Variants in PIP5K1B observed in about 807,000 individuals in gnomAD.
The protein encoded by PIP5K1B is phosphatidylinositol-4-phosphate 5-kinase type 1 beta.
In PIP5K1B, 42 loss-of-function variants were observed where a neutral mutation model predicts 67.0. The observed-to-expected ratio is 0.63, with a 90% CI of 0.49 to 0.81. The LOEUF is 0.81. PIP5K1B is among the 30% of genes least tolerant of loss of function. The pLI is 0.00. For missense variants in PIP5K1B, 459 were observed against 646.3 expected (o/e 0.71, Z 3.14); for synonymous variants, 214 against 231.4 (o/e 0.92, Z 0.68).
In PIP5K1B at chr9:68,726,789, T is replaced by C. The variant is rs974597183; in HGVS notation, c.-242-15712T>C. Among the ~76,000 whole-genome samples, 32 of 152,226 alleles carry C rather than the reference T, an allele frequency of 2.1e-4. 1 individual carries two copies. Among genetic ancestry groups the C allele is most frequent in the African/African-American group, 7.5e-4 (31 of 41,450 alleles). ...TGAGAGTTTCCGTTGCTTCAACTTT[T>C]TATGAACACATGGTATGATCGTTCT... is the stretch of plus-strand genomic sequence containing the variant. On this transcript the variant is annotated intron_variant, in intron 1 of 15. Transcript: ENST00000265382.
chr9:68,976,981 C>A (rs946698100), intron 14 of PIP5K1B, among the ~76,000 whole-genome samples: 1 of 152,174 alleles, frequency 6.6e-6, no homozygotes, highest in Admixed American at 6.5e-5. Context: ...AGCTAGAGAA[C>A]ACAGTCAACC....
chr9:68,706,583 C>G (rs894787590), intron 1 of PIP5K1B, among the ~76,000 whole-genome samples: 3 of 152,118 alleles, frequency 2.0e-5, no homozygotes, highest in Non-Finnish European at 4.4e-5. Context: ...ATCAGGGCTC[C>G]GAACAAGGCA....
chr9:68,938,116 G>A (rs187325910), intron 13 of PIP5K1B, among the ~76,000 whole-genome samples: 3 of 152,252 alleles, frequency 2.0e-5, no homozygotes, highest in African/African-American at 4.8e-5. Flanking sequence ...TATTAGGTCC[G>A]CTTGGTCCAG....
At chr9:68,998,764 C>T (rs1201267633) in intron 15 of PIP5K1B, among the ~76,000 whole-genome samples, 6 of 152,268 alleles carry the variant, frequency 3.9e-5, no homozygotes, top group East Asian at 3.9e-4. Context: ...TGTTCTCATT[C>T]GTGCCATTTC....
At chr9:68,863,665 T>C (rs1208627767) in intron 4 of PIP5K1B, among the ~76,000 whole-genome samples, 172 bp from the exon 5 acceptor site, 3 of 152,202 alleles carry the variant, frequency 2.0e-5, no homozygotes, top group African/African-American at 7.2e-5. Flanking sequence ...GCTTTAATGT[T>C]TGGAATAGAT....
At chr9:68,959,419 C>A (rs1233643652) in intron 14 of PIP5K1B, among the ~76,000 whole-genome samples, 1 of 152,118 alleles carries the variant, frequency 6.6e-6, no homozygotes, top group African/African-American at 2.4e-5. Context: ...TCTTCCAGGA[C>A]TATTATTAAA....
At chr9:68,737,227 C>G (rs1015273366) in intron 1 of PIP5K1B, among the ~76,000 whole-genome samples, 8 of 152,136 alleles carry the variant, frequency 5.3e-5, no homozygotes, top group Admixed American at 4.6e-4. Context: ...TACAAAATGA[C>G]ATTTTATTGG....
chr9:68,920,831 C>T (rs771093462), intron 11 of PIP5K1B, among the ~76,000 whole-genome samples: 5 of 151,620 alleles, frequency 3.3e-5, no homozygotes, highest in Non-Finnish European at 5.9e-5. Flanking sequence ...CACACACACA[C>T]GCAGTCCCAT....
At chr9:68,859,984 G>A (rs1167414386) in intron 4 of PIP5K1B, among the ~76,000 whole-genome samples, 1 of 152,058 alleles carries the variant, frequency 6.6e-6, no homozygotes, top group East Asian at 1.9e-4. Context: ...TATACGTTGT[G>A]AAATGGCTCT....
intron 7 of PIP5K1B, among the ~76,000 whole-genome samples, chr9:68,892,598 C>T (rs1824853323): frequency 6.6e-6 from 1 of 152,046 alleles, no homozygotes; most frequent in Non-Finnish European, 1.5e-5. Context: ...CACATACACA[C>T]AAAATTAATT....
At chr9:68,764,938 A>AT (rs1336467402) in intron 2 of PIP5K1B, among the ~76,000 whole-genome samples, 1 of 152,058 alleles carries the variant, frequency 6.6e-6, no homozygotes, top group East Asian at 1.9e-4. Context: ...ACTAATTTTT[A>AT]TTTTAAAAAA....
intron 15 of PIP5K1B, among the ~76,000 whole-genome samples, chr9:69,004,966 C>T (rs904739191): frequency 1.3e-5 from 2 of 152,176 alleles, no homozygotes; most frequent in African/African-American, 4.8e-5. Flanking sequence ...AAAACAGACA[C>T]GTTCATGTAT....
At chr9:68,778,896 T>G (rs1564127494) in intron 2 of PIP5K1B, among the ~76,000 whole-genome samples, 1 of 152,224 alleles carries the variant, frequency 6.6e-6, no homozygotes, top group African/African-American at 2.4e-5. Context: ...TCTCTCTGCT[T>G]GGAATACTCA....
chr9:68,996,439 A>G (rs1041519339), intron 15 of PIP5K1B, among the ~76,000 whole-genome samples: 3 of 152,048 alleles, frequency 2.0e-5, no homozygotes, highest in Admixed American at 2.0e-4. Flanking sequence ...AGTGTTTTCT[A>G]AGATGATTTT....
intron 2 of PIP5K1B, among the ~76,000 whole-genome samples, chr9:68,746,765 G>C (rs575341393): frequency 6.6e-6 from 1 of 152,182 alleles, no homozygotes; most frequent in Non-Finnish European, 1.5e-5. Flanking sequence ...AGAACCTGCC[G>C]AGGTAGCAGC....
intron 1 of PIP5K1B, among the ~76,000 whole-genome samples, chr9:68,718,447 G>A (rs1034066350): frequency 6.6e-6 from 1 of 152,216 alleles, no homozygotes; most frequent in Non-Finnish European, 1.5e-5. Context: ...ATTTGACGGT[G>A]TAGTTTTTTT....
chr9:68,999,156 C>T (rs1487125125), intron 15 of PIP5K1B, among the ~76,000 whole-genome samples: 1 of 152,202 alleles, frequency 6.6e-6, no homozygotes, highest in Non-Finnish European at 1.5e-5. Flanking sequence ...TGTTCTGTGC[C>T]TCTGTGTGGC....
rs149005518 is a variant in PIP5K1B, at chr9:68,978,967, A to C, written c.1503-12173A>C. Among the ~76,000 whole-genome samples the C allele has an allele frequency of 5.0e-3, 761 of 152,314 alleles. 7 individuals carry two copies. Among genetic ancestry groups the C allele is most frequent in the African/African-American group, 0.017 (702 of 41,570 alleles). ...CAAATTAATTTCTGTATATGATATG[A>C]GTAGGGGTGTCGAAGGTTTCTGTTG... On this transcript the variant is annotated intron_variant, in intron 14 of 15. Transcript: ENST00000265382.
chr9:68,847,411 TTTTG>T (rs1822247037), intron 4 of PIP5K1B, among the ~76,000 whole-genome samples: 1 of 83,844 alleles, frequency 1.2e-5, no homozygotes, highest in Non-Finnish European at 2.4e-5. Context: ...ACAGCAGTGG[TTTTG>T]TGTGTGTGTG....
Sources: gnomAD v4.1 joint callset for allele counts (sites outside exome capture counted in the v4.1 genomes callset) on GRCh38, gnomAD v4.1.1 for gene constraint, MANE v1.5 for transcripts, NCBI Gene and HGNC (gene_info 2026-07-23, HGNC 2026-07-21) for gene names.